COX7B2: variants seen among roughly 807,000 people sequenced by gnomAD.
The protein encoded by COX7B2 is cytochrome c oxidase subunit 7B2, mitochondrial.
For synonymous variants in COX7B2, 37 were observed against 32.1 expected (o/e 1.15, Z -0.51); for missense variants, 109 against 95.9 (o/e 1.14, Z -0.57).
intron 1 of COX7B2, among the ~76,000 whole-genome samples, chr4:46,863,052 C>T (rs931160225): frequency 6.6e-6 from 1 of 151,972 alleles, no homozygotes; most frequent in African/African-American, 2.4e-5. Flanking sequence ...TTTCTTGCTT[C>T]GTAGGTTTAT....
intron 2 of COX7B2, among the ~76,000 whole-genome samples, chr4:46,823,735 A>G (rs1714468470): frequency 6.6e-6 from 1 of 151,900 alleles, no homozygotes; most frequent in Admixed American, 6.5e-5. Flanking sequence ...AGCCAAAATA[A>G]GGAAAAAATA....
At chr4:46,898,846 G>C (rs995125692) in intron 1 of COX7B2, among the ~76,000 whole-genome samples, 1 of 152,042 alleles carries the variant, frequency 6.6e-6, no homozygotes, top group Non-Finnish European at 1.5e-5. Context: ...ATATCCTTTT[G>C]CATATATCTT....
At chr4:46,818,914 A>G (rs1714053995) in intron 2 of COX7B2, among the ~76,000 whole-genome samples, 1 of 152,180 alleles carries the variant, frequency 6.6e-6, no homozygotes, top group South Asian at 2.1e-4. Flanking sequence ...TCCCCCCAAC[A>G]CTGTAAGTTT....
intron 2 of COX7B2, among the ~76,000 whole-genome samples, chr4:46,737,038 A>AAAGTGGCTGT (rs1714410156): frequency 6.6e-6 from 1 of 152,206 alleles, no homozygotes; most frequent in Admixed American, 6.5e-5. Context: ...ACTGCCTTCC[A>AAAGTGGCTGT]AAGTGGCTGT....
In COX7B2 at chr4:46,804,980, G is replaced by A. The variant is rs561145257; in HGVS notation, c.-50+39980C>T. On this transcript the variant is annotated intron_variant, in intron 2 of 2. Coordinates refer to ENST00000355591, the MANE Select transcript of COX7B2 (RefSeq NM_130902.3). ...TGGGCTGCGGGTCCCGAGCCCTGCC[G>A]CATGGGAGGCAGCTAAGGCCCGGCA... Among the ~76,000 whole-genome samples the A allele has an allele frequency of 7.2e-5, 11 of 152,284 alleles. No homozygotes were observed. The East Asian group carries it at 1.4e-3, about 19-fold the overall frequency.
chr4:46,800,476 A>G (rs1718598103), intron 2 of COX7B2, among the ~76,000 whole-genome samples: 1 of 152,116 alleles, frequency 6.6e-6, no homozygotes, highest in South Asian at 2.1e-4. Context: ...CTGATCATCA[A>G]CAAATCATCA....
At chr4:46,800,921 A>C (rs1718622637) in intron 2 of COX7B2, among the ~76,000 whole-genome samples, 1 of 152,108 alleles carries the variant, frequency 6.6e-6, no homozygotes, top group Admixed American at 6.6e-5. Context: ...AACAAGCAAA[A>C]ACCAACCCCA....
Position 46,804,092 on chromosome 4 carries a change from G to A in COX7B2, c.-50+40868C>T, listed in dbSNP as rs761914635. The stretch of plus-strand genomic sequence containing the variant: ...GTGGTCTCGCTGGCTCAGGAGTGAA[G>A]CTGCAGACCTTCACAGTGAGTGTCA... On this transcript the variant is annotated intron_variant, in intron 2 of 2. Coordinates refer to ENST00000355591, the MANE Select transcript of COX7B2 (RefSeq NM_130902.3). Among the ~76,000 whole-genome samples the A allele has an allele frequency of 1.2e-3, 176 of 152,160 alleles. 2 individuals carry two copies. The highest frequency in any genetic ancestry group is 1.4e-3 in the Non-Finnish European group (92 of 68,002).
chr4:46,815,031 C>A (rs940147430), intron 2 of COX7B2, among the ~76,000 whole-genome samples: 12 of 152,088 alleles, frequency 7.9e-5, no homozygotes, highest in African/African-American at 2.9e-4. Flanking sequence ...ACTGAAGATA[C>A]AAAAATTAGC....
At chr4:46,847,836 G>A (rs1056747809) in intron 1 of COX7B2, among the ~76,000 whole-genome samples, 1 of 152,090 alleles carries the variant, frequency 6.6e-6, no homozygotes. Context: ...TCTAGAAGCT[G>A]ACAGGTAATC....
At chr4:46,797,328 A>T (rs902854509) in intron 2 of COX7B2, among the ~76,000 whole-genome samples, 1 of 151,934 alleles carries the variant, frequency 6.6e-6, no homozygotes, top group African/African-American at 2.4e-5. Flanking sequence ...CCCAAACATC[A>T]CGGTGTTCTA....
At chr4:46,839,040 A>G (rs1307205711) in intron 2 of COX7B2, among the ~76,000 whole-genome samples, 1 of 151,988 alleles carries the variant, frequency 6.6e-6, no homozygotes, top group Non-Finnish European at 1.5e-5. Context: ...TATTTTAGGA[A>G]TATTTTCTCA....
intron 1 of COX7B2, among the ~76,000 whole-genome samples, chr4:46,885,548 A>G (rs1719035952): frequency 6.6e-6 from 1 of 152,176 alleles, no homozygotes. Flanking sequence ...AAGAAACATC[A>G]GCTGACCAGT....
intron 1 of COX7B2, among the ~76,000 whole-genome samples, chr4:46,890,048 C>T (rs182507908): frequency 6.6e-6 from 1 of 152,142 alleles, no homozygotes; most frequent in Admixed American, 6.6e-5. Flanking sequence ...CTCTAACCTA[C>T]GTGGCCAACT....
intron 1 of COX7B2, among the ~76,000 whole-genome samples, chr4:46,879,096 C>CCGTGATTT (rs1718537576): frequency 6.6e-6 from 1 of 152,018 alleles, no homozygotes; most frequent in Admixed American, 6.6e-5. Flanking sequence ...TGAACTAAGG[C>CCGTGATTT]CGTGATTTTT....
intron 1 of COX7B2, among the ~76,000 whole-genome samples, chr4:46,884,306 C>T (rs1468719649): frequency 6.6e-6 from 1 of 152,150 alleles, no homozygotes; most frequent in African/African-American, 2.4e-5. Flanking sequence ...ATCTTCCTGC[C>T]TCAACCTTCC....
intron 1 of COX7B2, among the ~76,000 whole-genome samples, chr4:46,889,048 AT>A (rs1347457244): frequency 6.6e-6 from 1 of 152,220 alleles, no homozygotes; most frequent in Non-Finnish European, 1.5e-5. Context: ...TGATGTGAGT[AT>A]TATGCATTGC....
chr4:46,768,317 C>A (rs568272446), intron 2 of COX7B2, among the ~76,000 whole-genome samples: 19 of 152,246 alleles, frequency 1.2e-4, no homozygotes, highest in African/African-American at 4.6e-4. Flanking sequence ...GTTCAGCCGT[C>A]CCCACGCAAA....
intron 1 of COX7B2, among the ~76,000 whole-genome samples, chr4:46,895,155 A>T: frequency 6.6e-6 from 1 of 152,204 alleles, no homozygotes; most frequent in East Asian, 1.9e-4. Context: ...CCAAAGGTTT[A>T]TAAATCATTC....
Sources: gnomAD v4.1 joint callset for allele counts (sites outside exome capture counted in the v4.1 genomes callset) on GRCh38, gnomAD v4.1.1 for gene constraint, MANE v1.5 for transcripts, NCBI Gene and HGNC (gene_info 2026-07-23, HGNC 2026-07-21) for gene names.